Variants in KIF18A observed in about 807,000 individuals in gnomAD.
KIF18A encodes kinesin-like protein KIF18A.
In KIF18A, 67 loss-of-function variants were observed where a neutral mutation model predicts 103.3. That is an observed-to-expected ratio of 0.65 (90% CI 0.53 to 0.79). The LOEUF is 0.79. Among genes scored for constraint, KIF18A ranks in the 30% least tolerant of loss-of-function variants. The pLI, the probability that KIF18A is intolerant of heterozygous loss-of-function variation, is 0.00. For synonymous variants in KIF18A, 367 were observed against 355.5 expected (o/e 1.03, Z -0.36); for missense variants, 1,032 against 1,062.5 (o/e 0.97, Z 0.40).
chr11:28,096,446 T>C (rs2133564828), intron 2 of KIF18A, among the ~76,000 whole-genome samples: 1 of 152,260 alleles, frequency 6.6e-6, no homozygotes, highest in East Asian at 1.9e-4. Context: ...AAATGGCTTA[T>C]TCTTAAGCTT....
At chr11:28,044,401 A>G (rs930242794) in intron 13 of KIF18A, among the ~76,000 whole-genome samples, 8 of 152,112 alleles carry the variant, frequency 5.3e-5, no homozygotes, top group African/African-American at 1.9e-4. Context: ...TTTTCTGGAG[A>G]TAACTATAAA....
At chr11:28,083,028 A>G in intron 8 of KIF18A, 60 bp from the exon 9 acceptor site, 1 of 1,446,668 alleles carries the variant, frequency 6.9e-7, no homozygotes, top group Non-Finnish European at 9.3e-7. Flanking sequence ...GCCACAGCCA[A>G]ATTTAGCTGT....
chr11:28,101,113 T>C (rs1221032778), intron 1 of KIF18A, among the ~76,000 whole-genome samples: 1 of 152,106 alleles, frequency 6.6e-6, no homozygotes, highest in Admixed American at 6.6e-5. Context: ...ACTAGCACTT[T>C]GGGTAGGCCA....
At chr11:28,085,324 G>T (rs536762038) in intron 6 of KIF18A, among the ~76,000 whole-genome samples, 12 of 152,140 alleles carry the variant, frequency 7.9e-5, no homozygotes, top group Non-Finnish European at 1.8e-4. Context: ...GTGGAAGGCT[G>T]GATATTATCC....
chr11:28,027,167 T>C (rs1293155666), intron 15 of KIF18A, among the ~76,000 whole-genome samples: 1 of 151,740 alleles, frequency 6.6e-6, no homozygotes, highest in Non-Finnish European at 1.5e-5. Flanking sequence ...AAAAGAGTCA[T>C]TTTAAGGTCT....
At chr11:28,051,667 A>G (rs1346033484) in intron 13 of KIF18A, among the ~76,000 whole-genome samples, 2 of 152,056 alleles carry the variant, frequency 1.3e-5, no homozygotes, top group African/African-American at 2.4e-5. Flanking sequence ...AAAAGCAAGA[A>G]TAAGTGGCAA....
intron 15 of KIF18A, among the ~76,000 whole-genome samples, chr11:28,028,594 C>A (rs1423138818): frequency 6.6e-6 from 1 of 151,918 alleles, no homozygotes. Flanking sequence ...CTAAAATTGA[C>A]ACCCTAACAT....
chr11:28,082,441 C>G (rs1189198905), intron 9 of KIF18A, among the ~76,000 whole-genome samples: 1 of 152,102 alleles, frequency 6.6e-6, no homozygotes, highest in Non-Finnish European at 1.5e-5. Context: ...AGACCTCCAC[C>G]AGCAAAAAGA....
At chr11:28,094,501 A>G (rs1761360547) in intron 3 of KIF18A, 142 bp downstream of exon 3, 1 of 696,138 alleles carries the variant, frequency 1.4e-6, no homozygotes, top group Non-Finnish European at 2.3e-6. Flanking sequence ...ATTAACAGAA[A>G]AAGATGCATA....
intron 11 of KIF18A, among the ~76,000 whole-genome samples, chr11:28,065,653 C>T (rs1418404093): frequency 6.6e-6 from 1 of 151,902 alleles, no homozygotes; most frequent in East Asian, 1.9e-4. Flanking sequence ...AGAAACAATA[C>T]CATACCATTT....
At chr11:28,026,286 C>T (rs575650102) in intron 15 of KIF18A, among the ~76,000 whole-genome samples, 1 of 151,678 alleles carries the variant, frequency 6.6e-6, no homozygotes, top group Non-Finnish European at 1.5e-5. Flanking sequence ...ATATAGAGAG[C>T]TTCCCCTTCT....
In KIF18A at chr11:28,088,670, T is replaced by C. The variant is rs773754819; in HGVS notation, c.751A>G (p.Ile251Val). 1.2e-6 allele frequency: 2 copies of C among 1,614,066 alleles called. No individual in the cohort carries two copies. The highest frequency in any genetic ancestry group is 1.7e-6 in the Non-Finnish European group (2 of 1,179,950). ...KTASINQNVR[I>V]AKMSLIDLAG... ...AGGTCAATGAGTGACATCTTGGCAA[T>C]ACGGACATTTTGATTGATACTTGCT... is the stretch of plus-strand genomic sequence containing the variant. Residue 251 changes from isoleucine (I) to valine (V), a missense_variant, in exon 6 of 17, where the codon ATT (isoleucine) becomes GTT (valine). Physicochemically the swap from Ile to Val is conservative, Grantham distance 29 (BLOSUM62 3). Coordinates refer to ENST00000263181, the MANE Select transcript of KIF18A (RefSeq NM_031217.4).
rs768460183 is a variant in KIF18A, at chr11:28,069,308, C to T, written c.1541G>A (p.Arg514His). The change falls in exon 11 of 17, where the codon CGT becomes CAT. Residue 514 changes from arginine to histidine, a missense_variant. Physicochemically the swap from Arg to His is conservative, Grantham distance 29 (BLOSUM62 0). Coordinates refer to ENST00000263181, the MANE Select transcript of KIF18A (RefSeq NM_031217.4). The stretch of plus-strand genomic sequence containing the variant: ...TAAGAGTCCCATTTCTTTTTCGACA[C>T]GATGGAGCCAATTAGTATTCTCATC... ...QFDENTNWLHRVEKEMGLLSQ... is the reference protein window; with the variant it reads ...QFDENTNWLHHVEKEMGLLSQ... The T allele has an allele frequency of 2.2e-5, 36 of 1,613,288 alleles. No individual in the cohort carries two copies. Among genetic ancestry groups the T allele is most frequent in the Non-Finnish European group, 2.7e-5 (32 of 1,179,600 alleles).
At position 28,035,386 on chromosome 11, in the gene KIF18A, C is replaced by A; in HGVS notation, c.2504+1G>T. 6.4e-7 allele frequency: 1 copy of A among 1,560,978 alleles called. No individual in the cohort carries two copies. Among genetic ancestry groups the A allele is most frequent in the Non-Finnish European group, 8.8e-7 (1 of 1,138,440 alleles). On this transcript the variant is annotated splice_donor_variant, in intron 15 of 16. Transcript: ENST00000263181. LOFTEE classifies it high-confidence loss of function. ...CCAAACCAGTTTATGTTTAATCATA[C>A]CTTGTTAATTTCCGTTTCCTTTTGG...
chr11:28,065,028 A>C (rs1239820005), intron 11 of KIF18A, among the ~76,000 whole-genome samples: 2 of 152,104 alleles, frequency 1.3e-5, no homozygotes, highest in Non-Finnish European at 2.9e-5. Context: ...GAATTGCAGT[A>C]GAACATGAAC....
At chr11:28,029,289 T>C (rs1381590901) in intron 15 of KIF18A, among the ~76,000 whole-genome samples, 1 of 152,114 alleles carries the variant, frequency 6.6e-6, no homozygotes, top group Non-Finnish European at 1.5e-5. Context: ...AATAAACTAC[T>C]GGCAAGCCCA....
At chr11:28,039,964 C>T (rs138022381) in intron 13 of KIF18A, among the ~76,000 whole-genome samples, 5 of 151,774 alleles carry the variant, frequency 3.3e-5, no homozygotes, top group African/African-American at 1.2e-4. Flanking sequence ...TTCAGAACTA[C>T]TTAGGCTGAT....
intron 1 of KIF18A, among the ~76,000 whole-genome samples, chr11:28,099,580 A>AT (rs562161433): frequency 1.6e-4 from 24 of 152,132 alleles, no homozygotes; most frequent in East Asian, 3.9e-4. Context: ...AAACTTACAC[A>AT]TTTTTTTTGT....
chr11:28,088,966 C>T (rs1851267836), intron 5 of KIF18A, among the ~76,000 whole-genome samples: 1 of 151,996 alleles, frequency 6.6e-6, no homozygotes, highest in Non-Finnish European at 1.5e-5. Context: ...GATAGAAGAT[C>T]AAAACTTCCA....
Sources: gnomAD v4.1 joint callset for allele counts (sites outside exome capture counted in the v4.1 genomes callset) on GRCh38, gnomAD v4.1.1 for gene constraint, MANE v1.5 for transcripts, NCBI Gene and HGNC (gene_info 2026-07-23, HGNC 2026-07-21) for gene names.